RGS9: variants seen among roughly 807,000 people sequenced by gnomAD.
RGS9 encodes regulator of G protein signaling 9, also known as regulator of G-protein signalling 9.
Under a neutral mutation model 102.0 loss-of-function variants are expected in RGS9, and 78 were observed. That is an observed-to-expected ratio of 0.76 (90% CI 0.64 to 0.92). The LOEUF is 0.92. Among genes scored for constraint, RGS9 ranks in the 40% least tolerant of loss-of-function variants. The probability of loss-of-function intolerance (pLI) is 0.00; values close to 1 mark genes in which losing one functional copy is unlikely to be tolerated. For synonymous variants in RGS9, 353 were observed against 318.6 expected (o/e 1.11, Z -1.15); for missense variants, 833 against 866.1 (o/e 0.96, Z 0.48).
chr17:65,227,177 C>G (rs1397818159), intron 18 of RGS9, 98 bp from the exon 19 acceptor site: 1 of 1,552,910 alleles, frequency 6.4e-7, no homozygotes, highest in Non-Finnish European at 8.9e-7. Context: ...GCAAATGCAC[C>G]TGGTATGTTC....
chr17:65,225,620 C>T, intron 18 of RGS9, 134 bp downstream of exon 18: 2 of 1,288,580 alleles, frequency 1.6e-6, no homozygotes, highest in Non-Finnish European at 1.1e-6. Context: ...CACTCAGATC[C>T]CTTGGCCACT....
rs201229976 is a variant in RGS9 at position 65,204,234 on chromosome 17, G to A, written c.1136G>A (p.Gly379Glu). 1.2e-6 allele frequency: 2 copies of A among 1,613,456 alleles called. No individual in the cohort carries two copies. Among genetic ancestry groups the A allele is most frequent in the African/African-American group, 1.3e-5 (1 of 75,010 alleles). The change falls in exon 15 of 19, where the codon GGG becomes GAG. Residue 379 changes from glycine (G) to glutamate (E), a missense_variant. Transcript: ENST00000262406. ...AAAACCATGGACATCACAGTGAAGG[G>A]GCTGAAGCACCCCCACCGCTATGTG... ...DGKTMDITVK[G>E]LKHPHRYVLD...
At chr17:65,206,855 C>CA (rs1849678764) in intron 15 of RGS9, among the ~76,000 whole-genome samples, 1 of 152,176 alleles carries the variant, frequency 6.6e-6, no homozygotes, top group Non-Finnish European at 1.5e-5. Flanking sequence ...TATGGTGAAA[C>CA]ACTCAACGTA....
chr17:65,224,949 C>T, intron 17 of RGS9, 53 bp from the exon 18 acceptor site: 1 of 1,608,634 alleles, frequency 6.2e-7, no homozygotes, highest in East Asian at 2.2e-5. Flanking sequence ...AGGGGCCCTG[C>T]TGGCTGGGGC....
intron 13 of RGS9, among the ~76,000 whole-genome samples, chr17:65,199,301 C>T (rs367633957): frequency 1.3e-5 from 2 of 152,124 alleles, no homozygotes; most frequent in South Asian, 2.1e-4. Flanking sequence ...GAATCATCTT[C>T]TATTCCTGCT....
intron 1 of RGS9, among the ~76,000 whole-genome samples, chr17:65,140,744 G>A (rs2143945168): frequency 6.6e-6 from 1 of 152,254 alleles, no homozygotes; most frequent in African/African-American, 2.4e-5. Context: ...GCGTGGTGGT[G>A]AGCACCTGTA....
At chr17:65,166,668 G>A (rs1911193945) in intron 7 of RGS9, among the ~76,000 whole-genome samples, 1 of 152,172 alleles carries the variant, frequency 6.6e-6, no homozygotes, top group Non-Finnish European at 1.5e-5. Flanking sequence ...TTACAGAAAA[G>A]CAGAAGAGCA....
At chr17:65,193,762 A>G (rs925852257) in intron 12 of RGS9, 106 bp downstream of exon 12, 9 of 727,626 alleles carry the variant, frequency 1.2e-5, no homozygotes, top group Non-Finnish European at 4.9e-6. Flanking sequence ...GGTTTTTATT[A>G]TATTCATAGA....
intron 15 of RGS9, among the ~76,000 whole-genome samples, 177 bp from the exon 16 acceptor site, chr17:65,207,745 G>A (rs1913123861): frequency 6.6e-6 from 1 of 152,072 alleles, no homozygotes. Flanking sequence ...TTCTGGAGGG[G>A]ACCACACTTG....
At chr17:65,202,242 G>A (rs1912877262) in intron 14 of RGS9, among the ~76,000 whole-genome samples, 162 bp downstream of exon 14, 1 of 152,084 alleles carries the variant, frequency 6.6e-6, no homozygotes, top group Non-Finnish European at 1.5e-5. Context: ...ATAGTTCCCC[G>A]CTGCTTTGGG....
At chr17:65,153,581 C>A in intron 2 of RGS9, 63 bp downstream of exon 2, 1 of 1,324,524 alleles carries the variant, frequency 7.5e-7, no homozygotes, top group Non-Finnish European at 1.1e-6. Flanking sequence ...TACGGCCCAC[C>A]TCCTGTGTTT....
In RGS9 at chr17:65,168,287, T is replaced by TATC. The variant is rs1425016511; in HGVS notation, c.582+7_582+9dup. On this transcript the variant is annotated splice_region_variant and intron_variant, in intron 8 of 18. Coordinates refer to ENST00000262406, the MANE Select transcript of RGS9 (RefSeq NM_003835.4). ...GGCTGGTGCACCGATGCCCTGTGAG[T>TATC]ATCCTCCTGCCTGGTGTCCTCTGTC... The TATC allele has an allele frequency of 6.3e-7, 1 of 1,596,930 alleles. No individual in the cohort carries two copies.
At chr17:65,225,737 CT>C in intron 18 of RGS9, 1 of 568,904 alleles carries the variant, frequency 1.8e-6, no homozygotes, top group Non-Finnish European at 3.1e-6. Flanking sequence ...TTCCAAATCT[CT>C]TTTCCCCTTA....
chr17:65,224,941 G>A (rs1313236398), intron 17 of RGS9, 61 bp from the exon 18 acceptor site: 21 of 1,605,546 alleles, frequency 1.3e-5, no homozygotes, highest in Non-Finnish European at 1.8e-5. Flanking sequence ...GACAGCCCAG[G>A]GGCCCTGCTG....
intron 17 of RGS9, among the ~76,000 whole-genome samples, chr17:65,211,604 TCTAA>T (rs2144111553): frequency 6.6e-6 from 1 of 152,214 alleles, no homozygotes; most frequent in East Asian, 1.9e-4. Context: ...AGAGGACAGT[TCTAA>T]CTGACCTTGG....
Position 65,224,291 on chromosome 17 carries a change from G to A in RGS9, c.1408-711G>A, listed in dbSNP as rs377231280. 2.0e-3 allele frequency among the ~76,000 whole-genome samples: 298 copies of A among 152,328 alleles called. 1 individual carries two copies. Among genetic ancestry groups the A allele is most frequent in the African/African-American group, 6.6e-3 (275 of 41,566 alleles). On this transcript the variant is annotated intron_variant, in intron 17 of 18. Transcript: ENST00000262406. ...GGGGGCTGGGGCCATGGTGGCCCAGGAAGGTTGAGATACTTCCCCTTTCTC... is the reference window on the plus strand; with the variant it reads ...GGGGGCTGGGGCCATGGTGGCCCAGAAAGGTTGAGATACTTCCCCTTTCTC...
intron 1 of RGS9, among the ~76,000 whole-genome samples, chr17:65,142,384 T>G (rs1567856431): frequency 6.6e-6 from 1 of 152,206 alleles, no homozygotes; most frequent in Non-Finnish European, 1.5e-5. Flanking sequence ...AAATCAGGGA[T>G]GAATAAGATG....
chr17:65,214,706 G>T (rs1913423514), intron 17 of RGS9, among the ~76,000 whole-genome samples: 1 of 152,196 alleles, frequency 6.6e-6, no homozygotes, highest in Admixed American at 6.5e-5. Flanking sequence ...CTGGATTTCA[G>T]TCCCACCTTG....
chr17:65,211,888 G>A (rs1003744200), intron 17 of RGS9, among the ~76,000 whole-genome samples: 39 of 152,200 alleles, frequency 2.6e-4, no homozygotes, highest in African/African-American at 8.9e-4. Flanking sequence ...CAATCAACCA[G>A]AAAAATAGAG....
Sources: allele counts gnomAD v4.1 joint callset (sites outside exome capture counted in the v4.1 genomes callset), GRCh38; gene constraint gnomAD v4.1.1; transcripts MANE v1.5; gene names NCBI Gene and HGNC (gene_info 2026-07-23, HGNC 2026-07-21).